The following DLL4 variants were observed in gnomAD, a reference collection of about 807,000 sequenced individuals.
DLL4 encodes the protein delta-like protein 4.
In DLL4, 7 loss-of-function variants were observed where a neutral mutation model predicts 73.6. That is an observed-to-expected ratio of 0.10 (90% CI 0.05 to 0.18). The LOEUF (loss-of-function observed/expected upper bound fraction) is 0.18, where lower values mean the gene tolerates loss of function less well. Ranked by LOEUF, DLL4 falls within the 10% of genes least tolerant of loss-of-function variation. The pLI is 1.00. For missense variants in DLL4, 614 were observed against 929.9 expected, an observed-to-expected ratio of 0.66 and a Z score of 4.42; for synonymous variants, 345 against 374.3, an observed-to-expected ratio of 0.92 and a Z score of 0.90.
intron 8 of DLL4, 34 bp downstream of exon 8, chr15:40,935,151 G>C: frequency 6.3e-7 from 1 of 1,585,696 alleles, no homozygotes; most frequent in South Asian, 1.1e-5. Context: ...CTGGTGGACT[G>C]GCCCTGGGGC....
At chr15:40,937,954 G>C in intron 10 of DLL4, 75 bp from the exon 11 acceptor site, 1 of 1,570,026 alleles carries the variant, frequency 6.4e-7, no homozygotes, top group Non-Finnish European at 8.6e-7. Context: ...CTTCTCCCAG[G>C]GAGGCCCAGG....
rs760112877 is a variant in DLL4 at position 40,936,889 on chromosome 15, T to C, written c.1902T>C (p.Ser634=). ...CCATGCCAGGAAAGTTTCCCCACAGTGACAAGAGCTTAGGAGAGAAGGCGC... is the reference window on the plus strand; with the variant it reads ...CCATGCCAGGAAAGTTTCCCCACAGCGACAAGAGCTTAGGAGAGAAGGCGC... The part of the protein sequence containing the change: ...RGTMPGKFPH[S]DKSLGEKAPL... The change falls in exon 9 of 11, where the codon AGT becomes AGC. Residue 634 remains serine (S), a synonymous_variant. Coordinates refer to ENST00000249749, the MANE Select transcript of DLL4 (RefSeq NM_019074.4). The C allele has an allele frequency of 3.8e-5, 61 of 1,612,256 alleles. No homozygotes were observed. The highest frequency in any genetic ancestry group is 5.0e-5 in the Non-Finnish European group (59 of 1,179,608).
In DLL4 at chr15:40,936,261, T is replaced by A. The variant is rs1178122465; in HGVS notation, c.1274T>A (p.Met425Lys). The A allele has an allele frequency of 6.2e-7, 1 of 1,606,386 alleles. No individual in the cohort carries two copies. The highest frequency in any genetic ancestry group is 8.5e-7 in the Non-Finnish European group (1 of 1,177,584). ...GQCLNRGPSR[M>K]CRCRPGFTGT... is the part of the protein sequence containing the mutation. ...TGCCTGAACCGAGGTCCAAGCCGCA[T>A]GTGCCGCTGCCGTCCTGGATTCACG... Residue 425 changes from methionine (M) to lysine (K), a missense_variant, in exon 9 of 11, where the codon ATG becomes AAG. Met to Lys is a moderately conservative substitution (Grantham distance 95, BLOSUM62 -1). This residue lies in a region of DLL4 where 386 missense variants were observed against 541.3 expected (regional missense o/e 0.71). Coordinates refer to ENST00000249749, the MANE Select transcript of DLL4 (RefSeq NM_019074.4).
chr15:40,930,525 T>C lies in DLL4; in HGVS notation c.337-100T>C. ...TGTTGACCCGGGCGCAGTAACTGAA[T>C]CCTGCAATTAGATTAATTAAACAGG... On this transcript the variant is annotated intron_variant, in intron 2 of 10. Transcript: ENST00000249749. This position sits in a 1 kb window ranked among gnomAD's most constrained non-coding sequence, Gnocchi z 5.7. 1.0e-6 allele frequency: 1 copy of C among 985,114 alleles called. No homozygotes were observed. 61.0% of individuals were successfully genotyped at this position (985,114 alleles called of 1,614,324 possible).
chr15:40,936,335 G>C lies in DLL4; in HGVS notation c.1348G>C (p.Ala450Pro). 1 of 1,609,636 alleles carries C rather than the reference G, an allele frequency of 6.2e-7. No individual in the cohort carries two copies. Among genetic ancestry groups the C allele is most frequent in the Non-Finnish European group, 8.5e-7 (1 of 1,178,336 alleles). Residue 450 changes from alanine (A) to proline (P), a missense_variant, in exon 9 of 11, where the codon GCC becomes CCC. Around this residue, in one of 3 missense-constraint regions of DLL4, gnomAD observed 386 missense variants for 541.3 expected, o/e 0.71. Transcript: ENST00000249749. ...CAGCGACTGTGCCCGTAACCCTTGC[G>C]CCCACGGTGGCACTTGCCATGACCT... ...HVSDCARNPC[A>P]HGGTCHDLEN...
chr15:40,932,556 C>T (rs1258724305), intron 6 of DLL4, 109 bp downstream of exon 6: 1 of 1,401,698 alleles, frequency 7.1e-7, no homozygotes, highest in Non-Finnish European at 9.8e-7. Context: ...GCAGACTTGG[C>T]TTTCCCATGA....
In DLL4 at chr15:40,934,994, A is replaced by C. The variant is rs1293228970; in HGVS notation, c.1117A>C (p.Asn373His). Residue 373 changes from asparagine to histidine, a missense_variant, in exon 8 of 11, where the codon AAT (asparagine) becomes CAT (histidine). By Grantham distance (68) the Asn-to-His change is moderately conservative. Around this residue, in one of 3 missense-constraint regions of DLL4, gnomAD observed 386 missense variants for 541.3 expected, o/e 0.71. Coordinates refer to ENST00000249749, the MANE Select transcript of DLL4 (RefSeq NM_019074.4). ...TLSCADSPCF[N>H]GGSCRERNQG... ...GAGCTGCGCCGACTCCCCCTGCTTC[A>C]ATGGGGGCTCCTGCCGGGAGCGCAA... The C allele has an allele frequency of 1.9e-6, 3 of 1,613,440 alleles. No homozygotes were observed. The East Asian group carries it at 6.7e-5, about 36-fold the overall frequency.
In DLL4 at chr15:40,930,360, C is replaced by T; in HGVS notation, c.336+244C>T. 3 of 642,226 alleles carry T rather than the reference C, an allele frequency of 4.7e-6. No individual in the cohort carries two copies. The highest frequency in any genetic ancestry group is 3.9e-5 in the South Asian group (2 of 51,062). 39.8% of individuals were successfully genotyped at this position (642,226 alleles called of 1,614,324 possible). Reference sequence around the variant, plus strand: ...GCTCTTGGGACACGATTTTCATTACCTACCACTCTGGGGCGGTACCCTACC... The same window carrying T: ...GCTCTTGGGACACGATTTTCATTACTTACCACTCTGGGGCGGTACCCTACC... On this transcript the variant is annotated intron_variant, in intron 2 of 10. Coordinates refer to ENST00000249749, the MANE Select transcript of DLL4 (RefSeq NM_019074.4). The surrounding 1 kb of genome is among the most constrained non-coding windows in gnomAD (Gnocchi z 5.7).
chr15:40,930,318 A>C lies in DLL4; in HGVS notation c.336+202A>C. The stretch of plus-strand genomic sequence containing the variant: ...TCACCAGTCTCCGTCTTCCCAGTTT[A>C]TGTCCTCCCGTCCCCAGCTCTTGGG... On this transcript the variant is annotated intron_variant, in intron 2 of 10. Coordinates refer to ENST00000249749, the MANE Select transcript of DLL4 (RefSeq NM_019074.4). The surrounding 1 kb of genome is among the most constrained non-coding windows in gnomAD (Gnocchi z 5.7). The C allele has an allele frequency of 1.4e-6, 1 of 718,398 alleles. No homozygotes were observed. Among genetic ancestry groups the C allele is most frequent in the Non-Finnish European group, 2.3e-6 (1 of 442,890 alleles). The allele number at this position is 718,398 out of a possible 1,614,324, so 44.5% of individuals were successfully genotyped here. A position where few individuals can be genotyped will look rare whatever the true frequency, so the allele number is the denominator to read the frequency against.
In DLL4 at chr15:40,936,810, A is replaced by G; in HGVS notation, c.1823A>G (p.Gln608Arg). ...CGLDKSNCGK[Q>R]QNHTLDYNLA... ...CTGGACAAGTCCAACTGTGGCAAACAGCAAAACCACACATTGGACTATAAT... is the reference window on the plus strand; with the variant it reads ...CTGGACAAGTCCAACTGTGGCAAACGGCAAAACCACACATTGGACTATAAT... Residue 608 changes from glutamine (Q) to arginine (R), a missense_variant, in exon 9 of 11, where the codon CAG (glutamine) becomes CGG (arginine). Gln to Arg is a conservative substitution (Grantham distance 43). This residue lies in a region of DLL4 where 386 missense variants were observed against 541.3 expected (regional missense o/e 0.71). Transcript: ENST00000249749. The G allele has an allele frequency of 3.7e-6, 6 of 1,613,740 alleles. No individual in the cohort carries two copies. Among genetic ancestry groups the G allele is most frequent in the Non-Finnish European group, 5.1e-6 (6 of 1,179,902 alleles).
chr15:40,932,193 T>C lies in DLL4; in HGVS notation c.681T>C (p.His227=). Residue 227 remains histidine, a synonymous_variant, in exon 5 of 11, where the codon CAT becomes CAC. Transcript: ENST00000249749. ...TAGCTATCTGTCTTTCGGGCTGTCA[T>C]GAACAGAATGGCTACTGCAGCAAGC... ...CQQPICLSGC[H]EQNGYCSKPA... 1 of 1,614,014 alleles carries C rather than the reference T, an allele frequency of 6.2e-7. No homozygotes were observed.
At chr15:40,936,051 C>T (rs1363744317) in intron 8 of DLL4, among the ~76,000 whole-genome samples, 177 bp from the exon 9 acceptor site, 1 of 152,218 alleles carries the variant, frequency 6.6e-6, no homozygotes, top group Non-Finnish European at 1.5e-5. Context: ...CCACTGAGGC[C>T]GAGAGAATCA....
Position 40,936,839 on chromosome 15 carries a change from G to T in DLL4, c.1852G>T (p.Ala618Ser), listed in dbSNP as rs1892853605. The stretch of plus-strand genomic sequence containing the variant: ...AAACCACACATTGGACTATAATCTG[G>T]CCCCAGGGCCCCTGGGGCGGGGGAC... ...QQNHTLDYNL[A>S]PGPLGRGTMP... Residue 618 changes from alanine to serine, a missense_variant, in exon 9 of 11, where the codon GCC (alanine) becomes TCC (serine). Physicochemically the swap from Ala to Ser is moderately conservative, Grantham distance 99. This residue lies in a region of DLL4 where 386 missense variants were observed against 541.3 expected (regional missense o/e 0.71). Coordinates refer to ENST00000249749, the MANE Select transcript of DLL4 (RefSeq NM_019074.4). The T allele has an allele frequency of 6.2e-7, 1 of 1,613,234 alleles. No individual in the cohort carries two copies. The highest frequency in any genetic ancestry group is 8.5e-7 in the Non-Finnish European group (1 of 1,179,878).
At chr15:40,936,968 C>T in intron 9 of DLL4, 38 bp downstream of exon 9, 1 of 1,503,506 alleles carries the variant, frequency 6.7e-7, no homozygotes, top group Non-Finnish European at 8.9e-7. Context: ...TGGCCACCGG[C>T]CCCGACATGG....
intron 6 of DLL4, among the ~76,000 whole-genome samples, chr15:40,934,324 A>G (rs1239923323): frequency 7.6e-6 from 1 of 131,270 alleles, no homozygotes; most frequent in Non-Finnish European, 1.6e-5. Flanking sequence ...AGACTCTGTT[A>G]AAAAAAAAAA....
At position 40,930,785 on chromosome 15, in the gene DLL4, G is replaced by A. The variant is rs1596192112; in HGVS notation, c.394+103G>A. On this transcript the variant is annotated intron_variant, in intron 3 of 10. Transcript: ENST00000249749. This position sits in a 1 kb window ranked among gnomAD's most constrained non-coding sequence, Gnocchi z 5.7. ...AGTGCGGGCTTGGGGGTGGGAGGCA[G>A]GACGCTTAGCTTGGCCTGGAGCTGC... 1 of 1,229,216 alleles carries A rather than the reference G, an allele frequency of 8.1e-7. No homozygotes were observed. The highest frequency in any genetic ancestry group is 1.2e-6 in the Non-Finnish European group (1 of 860,002). The allele number at this position is 1,229,216 out of a possible 1,614,324, so 76.1% of individuals were successfully genotyped here. A position where few individuals can be genotyped will look rare whatever the true frequency, so the allele number is the denominator to read the frequency against.
chr15:40,937,756 C>T (rs893806481), intron 10 of DLL4, among the ~76,000 whole-genome samples: 1 of 152,202 alleles, frequency 6.6e-6, no homozygotes, highest in African/African-American at 2.4e-5. Context: ...CTGGGTTGGG[C>T]AGCCACGGCA....
In DLL4 at chr15:40,930,615, C is replaced by A; in HGVS notation, c.337-10C>A. The A allele has an allele frequency of 3.7e-6, 6 of 1,613,740 alleles. No homozygotes were observed. The highest frequency in any genetic ancestry group is 5.1e-6 in the Non-Finnish European group (6 of 1,179,820). Reference sequence around the variant, plus strand: ...TCGCCATCTCTCCGTCCCCCCACCCCCTTTCCCAGGGTACCTTCTCGCTCA... The same window carrying A: ...TCGCCATCTCTCCGTCCCCCCACCCACTTTCCCAGGGTACCTTCTCGCTCA... On this transcript the variant is annotated splice_polypyrimidine_tract_variant and intron_variant, in intron 2 of 10. Coordinates refer to ENST00000249749, the MANE Select transcript of DLL4 (RefSeq NM_019074.4). This position sits in a 1 kb window ranked among gnomAD's most constrained non-coding sequence, Gnocchi z 5.7.
rs1892751398 is a variant in DLL4, at chr15:40,930,508, C to A, written c.337-117C>A. Reference sequence around the variant, plus strand: ...TGTGCACAGCCCCGTTATGTTGACCCGGGCGCAGTAACTGAATCCTGCAAT... The same window carrying A: ...TGTGCACAGCCCCGTTATGTTGACCAGGGCGCAGTAACTGAATCCTGCAAT... On this transcript the variant is annotated intron_variant, in intron 2 of 10. Transcript: ENST00000249749. The surrounding 1 kb of genome is among the most constrained non-coding windows in gnomAD (Gnocchi z 5.7). 1 of 860,424 alleles carries A rather than the reference C, an allele frequency of 1.2e-6. No individual in the cohort carries two copies. Among genetic ancestry groups the A allele is most frequent in the Non-Finnish European group, 1.9e-6 (1 of 524,762 alleles). 53.3% of individuals were successfully genotyped at this position (860,424 alleles called of 1,614,324 possible). A position where few individuals can be genotyped will look rare whatever the true frequency, so the allele number is the denominator to read the frequency against.
Sources: allele counts gnomAD v4.1 joint callset (sites outside exome capture counted in the v4.1 genomes callset), GRCh38; gene constraint gnomAD v4.1.1; regional missense constraint gnomAD v4.1.1; non-coding constraint Gnocchi (gnomAD v3.1); transcripts MANE v1.5; gene names NCBI Gene and HGNC (gene_info 2026-07-23, HGNC 2026-07-21).